Variants in PCDHGA1 observed in about 807,000 individuals in gnomAD.
PCDHGA1 encodes the protein protocadherin gamma-A1.
A neutral mutation model predicts 58.0 loss-of-function variants in PCDHGA1; 32 were observed. That is an observed-to-expected ratio of 0.55 (90% CI 0.42 to 0.74). PCDHGA1 has a LOEUF of 0.74. PCDHGA1 is among the 30% of genes least tolerant of loss of function. The pLI, the probability that PCDHGA1 is intolerant of heterozygous loss-of-function variation, is 0.00. For missense variants in PCDHGA1, 1,205 were observed against 1,182.3 expected (o/e 1.02, Z -0.28); for synonymous variants, 498 against 501.1 (o/e 0.99, Z 0.08).
intron 1 of PCDHGA1, chr5:141,427,624 C>T (rs2097051687): frequency 1.4e-6 from 1 of 698,516 alleles, no homozygotes; most frequent in South Asian, 1.5e-5. Context: ...AACGACAATG[C>T]TCCGGTTTTC....
At chr5:141,381,831 T>C (rs1313642722) in intron 1 of PCDHGA1, among the ~76,000 whole-genome samples, 7 of 136,370 alleles carry the variant, frequency 5.1e-5, no homozygotes, top group African/African-American at 2.0e-4. Context: ...TTCTTCTTTT[T>C]TTTTTTTTTT....
At chr5:141,364,790 C>T (rs796800411) in intron 1 of PCDHGA1, 2 of 1,614,014 alleles carry the variant, frequency 1.2e-6, no homozygotes, top group Admixed American at 1.7e-5. Flanking sequence ...ACGGTTAGTG[C>T]TTCCCTTCGC....
chr5:141,476,837 G>A lies in PCDHGA1; in HGVS notation c.2422-17970G>A, dbSNP rs1160244271. 4 of 1,613,534 alleles carry A rather than the reference G, an allele frequency of 2.5e-6. No individual in the cohort carries two copies. The highest frequency in any genetic ancestry group is 3.4e-6 in the Non-Finnish European group (4 of 1,180,054). On this transcript the variant is annotated intron_variant, in intron 1 of 3. Coordinates refer to ENST00000517417, the MANE Select transcript of PCDHGA1 (RefSeq NM_018912.3). The surrounding 1 kb of genome is among the most constrained non-coding windows in gnomAD (Gnocchi z 7.6). Reference sequence around the variant, plus strand: ...CAAGGTGCTGGACGCGAATGACAATGCGCCTGTCTTCAACCAGTCCTTGTA... The same window carrying A: ...CAAGGTGCTGGACGCGAATGACAATACGCCTGTCTTCAACCAGTCCTTGTA...
At chr5:141,427,187 C>T (rs1318380362) in intron 1 of PCDHGA1, 1 of 456,574 alleles carries the variant, frequency 2.2e-6, no homozygotes, top group Middle Eastern at 3.3e-4. Flanking sequence ...AAATTAAATC[C>T]AAAGACTTAA....
intron 1 of PCDHGA1, chr5:141,384,561 C>A (rs778010622): frequency 3.1e-6 from 5 of 1,614,254 alleles, no homozygotes; most frequent in South Asian, 1.1e-5. Context: ...TCGTGCTGGA[C>A]CAGAATGACA....
rs140459920 is a variant in PCDHGA1, at chr5:141,386,998, C to T, written c.2421+53893C>T. ...TGTGTTTTGAGGCTATGTATTATCCCCCTGATAACTTTGAAGATGAATGTT... is the reference window on the plus strand; with the variant it reads ...TGTGTTTTGAGGCTATGTATTATCCTCCTGATAACTTTGAAGATGAATGTT... On this transcript the variant is annotated intron_variant, in intron 1 of 3. Coordinates refer to ENST00000517417, the MANE Select transcript of PCDHGA1 (RefSeq NM_018912.3). Among the ~76,000 whole-genome samples, 1,144 of 152,176 alleles carry T rather than the reference C, an allele frequency of 7.5e-3. 3 individuals are homozygous for T. The highest frequency in any genetic ancestry group is 0.012 in the Non-Finnish European group (791 of 68,006).
At position 141,408,449 on chromosome 5, in the gene PCDHGA1, G is replaced by C. The variant is rs1561713163; in HGVS notation, c.2421+75344G>C. On this transcript the variant is annotated intron_variant, in intron 1 of 3. Coordinates refer to ENST00000517417, the MANE Select transcript of PCDHGA1 (RefSeq NM_018912.3). Reference sequence around the variant, plus strand: ...CTTCAGCGTAGACGCGGAGAGCGGGGACTTACTTGTGAAGAACCGAATAGA... The same window carrying C: ...CTTCAGCGTAGACGCGGAGAGCGGGCACTTACTTGTGAAGAACCGAATAGA... The C allele has an allele frequency of 1.9e-6, 3 of 1,613,966 alleles. No individual in the cohort carries two copies. In the Admixed American group the frequency reaches 5.0e-5, roughly 27 times the overall value.
At chr5:141,443,547 T>C (rs1210940890) in intron 1 of PCDHGA1, among the ~76,000 whole-genome samples, 2 of 152,192 alleles carry the variant, frequency 1.3e-5, no homozygotes, top group Non-Finnish European at 2.9e-5. Context: ...TGGGAAATTG[T>C]TCCAATTCAA....
intron 1 of PCDHGA1, among the ~76,000 whole-genome samples, chr5:141,457,254 A>G (rs2098914828): frequency 6.6e-6 from 1 of 152,222 alleles, no homozygotes; most frequent in Admixed American, 6.5e-5. Flanking sequence ...TTGCCAACAT[A>G]TAGAATTCCC....
At chr5:141,449,198 A>C (rs2098631518) in intron 1 of PCDHGA1, among the ~76,000 whole-genome samples, 1 of 152,188 alleles carries the variant, frequency 6.6e-6, no homozygotes, top group Non-Finnish European at 1.5e-5. Context: ...AAGAAGTGTT[A>C]ATTCTAACTT....
In PCDHGA1 at chr5:141,489,597, A is replaced by G; in HGVS notation, c.2422-5210A>G. 6.2e-7 allele frequency: 1 copy of G among 1,614,100 alleles called. No individual in the cohort carries two copies. The highest frequency in any genetic ancestry group is 1.3e-5 in the African/African-American group (1 of 75,040). ...AACACCCCCTGGAGCTAATCCGTGTAGAGGTAGAGATCCTGGATCTCAATG... is the reference window on the plus strand; with the variant it reads ...AACACCCCCTGGAGCTAATCCGTGTGGAGGTAGAGATCCTGGATCTCAATG... On this transcript the variant is annotated intron_variant, in intron 1 of 3. Transcript: ENST00000517417. The surrounding 1 kb of genome is among the most constrained non-coding windows in gnomAD (Gnocchi z 4.5).
chr5:141,330,648 G>C lies in PCDHGA1; in HGVS notation c.-37G>C. ...CAGAAAAGCAGAAACGATACCCTTG[G>C]TACTGGACTGGAAGAAAACTACGAA... On this transcript the variant is annotated 5_prime_UTR_variant, in exon 1 of 4. Transcript: ENST00000517417. The C allele has an allele frequency of 6.4e-7, 1 of 1,564,346 alleles. No homozygotes were observed. Among genetic ancestry groups the C allele is most frequent in the African/African-American group, 1.4e-5 (1 of 73,430 alleles).
intron 1 of PCDHGA1, chr5:141,420,085 C>T: frequency 1.2e-6 from 2 of 1,614,028 alleles, no homozygotes; most frequent in Middle Eastern, 1.6e-4. Context: ...GTCCCCCCAA[C>T]TACAGTGAGG....
intron 1 of PCDHGA1, chr5:141,378,252 C>A (rs939045432): frequency 6.6e-6 from 1 of 152,178 alleles, no homozygotes; most frequent in Admixed American, 6.5e-5. Context: ...TGGCCGGGTG[C>A]GGTGGCTCAT....
chr5:141,391,560 T>C (rs981712066), intron 1 of PCDHGA1: 2 of 152,242 alleles, frequency 1.3e-5, no homozygotes, highest in African/African-American at 4.8e-5. Context: ...GTTTTCCATA[T>C]GCATAAGAAA....
At position 141,395,545 on chromosome 5, in the gene PCDHGA1, TGTG is replaced by T. The variant is rs1561655187; in HGVS notation, c.2421+62441_2421+62443del. The T allele has an allele frequency of 2.9e-4, 51 of 177,126 alleles. 1 individual carries two copies. The highest frequency in any genetic ancestry group is 1.2e-3 in the African/African-American group (46 of 38,988). 11.0% of individuals were successfully genotyped at this position (177,126 alleles called of 1,614,324 possible). A position where few individuals can be genotyped will look rare whatever the true frequency, so the allele number is the denominator to read the frequency against. ...ATACTGGTAATTTTGCTATTGTTTG[TGTG>T]TGTGTGTGTGTGTGTGTGTGTGTGT... is the stretch of plus-strand genomic sequence containing the variant. On this transcript the variant is annotated intron_variant, in intron 1 of 3. Coordinates refer to ENST00000517417, the MANE Select transcript of PCDHGA1 (RefSeq NM_018912.3).
chr5:141,345,656 A>C (rs377095835), intron 1 of PCDHGA1: 5 of 1,614,050 alleles, frequency 3.1e-6, no homozygotes, highest in Non-Finnish European at 3.4e-6. Context: ...GGAACCCTCC[A>C]CTCAGCAGCA....
intron 1 of PCDHGA1, chr5:141,427,068 G>A (rs1407368715): frequency 2.2e-6 from 1 of 457,950 alleles, no homozygotes; most frequent in East Asian, 6.9e-5. Flanking sequence ...TGTACTAAAG[G>A]TGACAGCCAC....
In PCDHGA1 at chr5:141,491,198, A is replaced by T. The variant is rs1344758185; in HGVS notation, c.2422-3609A>T. ...GTGGTCCTGGTGAGGGACAATGGTG[A>T]CCCTTCACTCTCCTCCACAGCCACA... On this transcript the variant is annotated intron_variant, in intron 1 of 3. Coordinates refer to ENST00000517417, the MANE Select transcript of PCDHGA1 (RefSeq NM_018912.3). This position sits in a 1 kb window ranked among gnomAD's most constrained non-coding sequence, Gnocchi z 6.9. 1.2e-6 allele frequency: 2 copies of T among 1,613,912 alleles called. No individual in the cohort carries two copies. The highest frequency in any genetic ancestry group is 1.3e-5 in the African/African-American group (1 of 74,866).
Sources: allele counts gnomAD v4.1 joint callset (sites outside exome capture counted in the v4.1 genomes callset), GRCh38; gene constraint gnomAD v4.1.1; non-coding constraint Gnocchi (gnomAD v3.1); transcripts MANE v1.5; gene names NCBI Gene and HGNC (gene_info 2026-07-23, HGNC 2026-07-21).